The following APBB1IP variants were observed in gnomAD, a reference collection of about 807,000 sequenced individuals.
APBB1IP encodes amyloid beta precursor protein binding family B member 1 interacting protein.
Under a neutral mutation model 64.9 loss-of-function variants are expected in APBB1IP, and 27 were observed. The observed-to-expected ratio is 0.42, with a 90% confidence interval of 0.31 to 0.57. The LOEUF is 0.57. Among genes scored for constraint, APBB1IP ranks in the 20% least tolerant of loss-of-function variants. The pLI is 0.20. For missense variants in APBB1IP, 812 were observed against 845.5 expected (o/e 0.96, Z 0.49); for synonymous variants, 392 against 331.0 (o/e 1.18, Z -2.00).
At chr10:26,542,538 G>A (rs1233537395) in intron 11 of APBB1IP, among the ~76,000 whole-genome samples, 1 of 152,126 alleles carries the variant, frequency 6.6e-6, no homozygotes, top group African/African-American at 2.4e-5. Context: ...ATGCGTTACG[G>A]GTCTTTCTGT....
At chr10:26,443,543 T>A (rs186854535) in intron 2 of APBB1IP, among the ~76,000 whole-genome samples, 2 of 150,290 alleles carry the variant, frequency 1.3e-5, no homozygotes, top group African/African-American at 2.4e-5. Flanking sequence ...TTTATTTATT[T>A]ATTCATTCAT....
At chr10:26,459,946 T>G (rs1361822125) in intron 2 of APBB1IP, among the ~76,000 whole-genome samples, 1 of 152,192 alleles carries the variant, frequency 6.6e-6, no homozygotes. Flanking sequence ...GCTAAGGTCA[T>G]AATTTTGTAA....
chr10:26,516,543 C>CAAAAAAA lies in APBB1IP; in HGVS notation c.813+2895_813+2901dup, dbSNP rs71401901. Reference sequence around the variant, plus strand: ...TGGGTGACAGAGCAAGACTCCATCTCAAAAAAAAAAAAAAAAAAGTAAAGC... The same window carrying CAAAAAAA: ...TGGGTGACAGAGCAAGACTCCATCTCAAAAAAAAAAAAAAAAAAAAAAAAAGTAAAGC... On this transcript the variant is annotated intron_variant, in intron 8 of 14. Transcript: ENST00000376236. Among the ~76,000 whole-genome samples, 71 of 47,088 alleles carry CAAAAAAA rather than the reference C, an allele frequency of 1.5e-3. 4 individuals are homozygous for CAAAAAAA. Among genetic ancestry groups the CAAAAAAA allele is most frequent in the African/African-American group, 5.3e-3 (43 of 8,130 alleles). 30.9% of individuals were successfully genotyped at this position (47,088 alleles called of 152,430 possible).
chr10:26,560,653 T>G, intron 12 of APBB1IP, 77 bp from the exon 13 acceptor site: 1 of 987,116 alleles, frequency 1.0e-6, no homozygotes, highest in Non-Finnish European at 1.5e-6. Flanking sequence ...ATTTCTTCTG[T>G]ATATGTATAT....
intron 2 of APBB1IP, among the ~76,000 whole-genome samples, chr10:26,443,463 C>T (rs556813714): frequency 7.0e-6 from 1 of 142,436 alleles, no homozygotes; most frequent in South Asian, 2.3e-4. Flanking sequence ...AAAAAAATTA[C>T]TTATATGAGG....
At chr10:26,473,598 G>T (rs558881549) in intron 2 of APBB1IP, among the ~76,000 whole-genome samples, 2 of 152,174 alleles carry the variant, frequency 1.3e-5, no homozygotes, top group Non-Finnish European at 2.9e-5. Flanking sequence ...CTCAGTTTGC[G>T]CATAAATGGT....
At position 26,552,683 on chromosome 10, in the gene APBB1IP, G is replaced by A. The variant is rs78712753; in HGVS notation, c.1156-7422G>A. Reference sequence around the variant, plus strand: ...AGAAAACGGAGAACAGGATTGAATCGTCCCAGTTTACTTCCTGTTTACTTC... The same window carrying A: ...AGAAAACGGAGAACAGGATTGAATCATCCCAGTTTACTTCCTGTTTACTTC... On this transcript the variant is annotated intron_variant, in intron 11 of 14. Transcript: ENST00000376236. 2.1e-3 allele frequency among the ~76,000 whole-genome samples: 315 copies of A among 151,980 alleles called. 2 individuals carry two copies. Among genetic ancestry groups the A allele is most frequent in the Non-Finnish European group, 3.8e-3 (256 of 67,956 alleles).
chr10:26,460,063 C>T lies in APBB1IP; in HGVS notation c.-1+21210C>T, dbSNP rs144719109. On this transcript the variant is annotated intron_variant, in intron 2 of 14. Coordinates refer to ENST00000376236, the MANE Select transcript of APBB1IP (RefSeq NM_019043.4). ...AATTTAATGATGACTCAGTTCTGAA[C>T]CAAGACAAATAATGCTAAATTCTTA... Among the ~76,000 whole-genome samples, 207 of 152,082 alleles carry T rather than the reference C, an allele frequency of 1.4e-3. 5 individuals are homozygous for T. In the South Asian group the frequency reaches 0.025, roughly 18 times the overall value.
In APBB1IP at chr10:26,560,834, G is replaced by A; in HGVS notation, c.1359G>A (p.Gln453=). ...CAGTCAATGCAGCTGCACCAGCTCA[G>A]CCATCTACAGGTACTAAGTGGAGGA... is the stretch of plus-strand genomic sequence containing the variant. ...LGTVNAAAPA[Q]PSTGPKTGTT... is the part of the protein sequence containing the mutation. The change falls in exon 13 of 15, where the codon CAG becomes CAA. Residue 453 remains glutamine (Q), a synonymous_variant. Coordinates refer to ENST00000376236, the MANE Select transcript of APBB1IP (RefSeq NM_019043.4). The A allele has an allele frequency of 6.3e-7, 1 of 1,593,924 alleles. No homozygotes were observed. Among genetic ancestry groups the A allele is most frequent in the Non-Finnish European group, 8.5e-7 (1 of 1,171,012 alleles).
In APBB1IP at chr10:26,531,666, CA is replaced by C. The variant is rs35864955; in HGVS notation, c.814-1760del. 6.3e-3 allele frequency among the ~76,000 whole-genome samples: 911 copies of C among 143,848 alleles called. 5 individuals carry two copies. Among genetic ancestry groups the C allele is most frequent in the African/African-American group, 0.022 (830 of 38,600 alleles). The allele number at this position is 143,848 out of a possible 152,430, so 94.4% of individuals were successfully genotyped here. ...TGGGTGACAGAGCGAGACCCCGTCT[CA>C]AAAAAAAAAAAAGTTAGCAAATCAC... On this transcript the variant is annotated intron_variant, in intron 8 of 14. Transcript: ENST00000376236.
At chr10:26,478,368 G>A (rs1338733370) in intron 2 of APBB1IP, among the ~76,000 whole-genome samples, 4 of 152,148 alleles carry the variant, frequency 2.6e-5, no homozygotes, top group African/African-American at 9.6e-5. Flanking sequence ...CGGTTGAGAA[G>A]GTAGCTGAAT....
At chr10:26,543,604 T>TA (rs1011843577) in intron 11 of APBB1IP, among the ~76,000 whole-genome samples, 1 of 151,730 alleles carries the variant, frequency 6.6e-6, no homozygotes, top group Non-Finnish European at 1.5e-5. Flanking sequence ...ATGCGGCAAT[T>TA]AAAAAAATAC....
rs759567125 is a variant in APBB1IP at position 26,562,360 on chromosome 10, G to C, written c.1404G>C (p.Gln468His). The C allele has an allele frequency of 6.2e-7, 1 of 1,613,978 alleles. No homozygotes were observed. The highest frequency in any genetic ancestry group is 1.7e-5 in the Admixed American group (1 of 60,028). The change falls in exon 14 of 15, where the codon CAG becomes CAC. Residue 468 changes from glutamine (Q) to histidine (H), a missense_variant. Around this residue, in one of 3 missense-constraint regions of APBB1IP, gnomAD observed 381 missense variants for 352.1 expected, o/e 1.08. Coordinates refer to ENST00000376236, the MANE Select transcript of APBB1IP (RefSeq NM_019043.4). Reference protein sequence around the residue: ...PKTGTTQPNGQIPQATHSVSA... With the variant: ...PKTGTTQPNGHIPQATHSVSA... ...CAGGCACCACCCAGCCCAATGGACA[G>C]ATTCCCCAGGCTACACATTCTGTCA...
intron 10 of APBB1IP, among the ~76,000 whole-genome samples, chr10:26,537,541 A>G (rs976588793): frequency 6.6e-6 from 1 of 152,118 alleles, no homozygotes; most frequent in African/African-American, 2.4e-5. Flanking sequence ...CCCACAAATA[A>G]TTTGTTTTCG....
At chr10:26,529,543 G>T (rs907021831) in intron 8 of APBB1IP, among the ~76,000 whole-genome samples, 3 of 152,226 alleles carry the variant, frequency 2.0e-5, no homozygotes, top group Non-Finnish European at 4.4e-5. Context: ...GCCCTTCACA[G>T]TTTAGACAGG....
chr10:26,442,644 T>C (rs755132906), intron 2 of APBB1IP, among the ~76,000 whole-genome samples: 10 of 152,242 alleles, frequency 6.6e-5, no homozygotes, highest in African/African-American at 2.2e-4. Context: ...TCTTCCTTCA[T>C]GTTTTATTAT....
intron 8 of APBB1IP, among the ~76,000 whole-genome samples, chr10:26,526,573 G>A (rs1836476892): frequency 6.6e-6 from 1 of 152,034 alleles, no homozygotes; most frequent in Non-Finnish European, 1.5e-5. Context: ...ACAAAAACAA[G>A]TCGTGCATGG....
intron 11 of APBB1IP, among the ~76,000 whole-genome samples, chr10:26,559,383 G>A (rs1368278652): frequency 1.3e-5 from 2 of 150,998 alleles, no homozygotes; most frequent in Admixed American, 6.6e-5. Context: ...GGGTAATATA[G>A]TGAGACTCCA....
chr10:26,492,209 C>T lies in APBB1IP; in HGVS notation c.1-118C>T, dbSNP rs1028334998. 41 of 819,046 alleles carry T rather than the reference C, an allele frequency of 5.0e-5. 2 individuals carry two copies. The South Asian group carries it at 6.6e-4, about 13-fold the overall frequency. The allele number at this position is 819,046 out of a possible 1,614,324, so 50.7% of individuals were successfully genotyped here. A position where few individuals can be genotyped will look rare whatever the true frequency, so the allele number is the denominator to read the frequency against. ...ACATAAGCCTTCCTCTCAATATAGTCCTCTCCCAACTTAGCTGCCCATGGA... is the reference window on the plus strand; with the variant it reads ...ACATAAGCCTTCCTCTCAATATAGTTCTCTCCCAACTTAGCTGCCCATGGA... On this transcript the variant is annotated intron_variant, in intron 2 of 14. Coordinates refer to ENST00000376236, the MANE Select transcript of APBB1IP (RefSeq NM_019043.4).
Sources: allele counts gnomAD v4.1 joint callset (sites outside exome capture counted in the v4.1 genomes callset), GRCh38; gene constraint gnomAD v4.1.1; regional missense constraint gnomAD v4.1.1; transcripts MANE v1.5; gene names NCBI Gene and HGNC (gene_info 2026-07-23, HGNC 2026-07-21).